Variants in CDH12 observed in about 807,000 individuals in gnomAD.
CDH12 encodes the protein cadherin 12.
Under a neutral mutation model 74.1 loss-of-function variants are expected in CDH12, and 41 were observed. The ratio of observed to expected loss-of-function variants is 0.55; its 90% CI spans 0.43 to 0.72. The LOEUF is 0.72. CDH12 is among the 30% of genes least tolerant of loss of function. The probability of loss-of-function intolerance (pLI) is 0.00; values close to 1 mark genes in which losing one functional copy is unlikely to be tolerated. For missense variants in CDH12, 945 were observed against 977.2 expected (o/e 0.97, Z 0.44); for synonymous variants, 399 against 355.0 (o/e 1.12, Z -1.39).
At chr5:22,021,493 C>T (rs1306454575) in intron 5 of CDH12, among the ~76,000 whole-genome samples, 4 of 152,134 alleles carry the variant, frequency 2.6e-5, no homozygotes, top group Admixed American at 6.6e-5. Context: ...TGATATTACA[C>T]GGTACAGATG....
chr5:21,859,347 A>T (rs1215475057), intron 6 of CDH12, among the ~76,000 whole-genome samples: 1 of 152,036 alleles, frequency 6.6e-6, no homozygotes, highest in Middle Eastern at 3.4e-3. Flanking sequence ...AGCAAAGGGG[A>T]AAAAGCCCCT....
chr5:22,597,882 T>C (rs1290710966), intron 1 of CDH12, among the ~76,000 whole-genome samples: 6 of 152,174 alleles, frequency 3.9e-5, no homozygotes, highest in Admixed American at 1.3e-4. Flanking sequence ...AAATTATATA[T>C]GTCTTCCATT....
rs187937589 is a variant in CDH12 at position 22,589,292 on chromosome 5, C to G, written c.-522-83928G>C. ...AAGACACGAGGAACAAAACTGGACC[C>G]AACTGTAAGCCTGGAGTGTCATCAG... On this transcript the variant is annotated intron_variant, in intron 1 of 14. Transcript: ENST00000382254. Among the ~76,000 whole-genome samples, 44 of 152,210 alleles carry G rather than the reference C, an allele frequency of 2.9e-4. No individual in the cohort carries two copies. The East Asian group carries it at 2.9e-3, about 10-fold the overall frequency.
intron 1 of CDH12, among the ~76,000 whole-genome samples, chr5:22,680,799 G>T (rs1741449924): frequency 6.7e-6 from 1 of 148,826 alleles, no homozygotes; most frequent in Non-Finnish European, 1.5e-5. Flanking sequence ...TTGATTTCTG[G>T]AATGGAGCAT....
chr5:21,828,871 T>C (rs1748834220), intron 8 of CDH12, among the ~76,000 whole-genome samples: 1 of 152,054 alleles, frequency 6.6e-6, no homozygotes, highest in South Asian at 2.1e-4. Flanking sequence ...TTTATTTGTT[T>C]CACATTTGTA....
chr5:22,176,418 T>C (rs949884829), intron 4 of CDH12, among the ~76,000 whole-genome samples: 4 of 151,996 alleles, frequency 2.6e-5, no homozygotes, highest in African/African-American at 7.2e-5. Flanking sequence ...GTTCAGATGA[T>C]CACGTTTGTT....
At chr5:22,612,298 G>T (rs268966) in intron 1 of CDH12, among the ~76,000 whole-genome samples, 84,460 of 151,836 alleles carry the variant, frequency 0.56, 23,824 homozygotes, top group East Asian at 0.68. Context: ...ACTTGTCTTA[G>T]GTAGTGTAAA....
At chr5:22,095,640 T>G (rs1218416212) in intron 4 of CDH12, among the ~76,000 whole-genome samples, 3 of 151,752 alleles carry the variant, frequency 2.0e-5, no homozygotes, top group African/African-American at 7.3e-5. Flanking sequence ...TGGCAAGTAC[T>G]GCTTTTCTAG....
chr5:22,458,892 G>A (rs1745395837), intron 2 of CDH12, among the ~76,000 whole-genome samples: 1 of 151,868 alleles, frequency 6.6e-6, no homozygotes, highest in Admixed American at 6.6e-5. Context: ...ACTGGTTTGG[G>A]GTTTTGTTTT....
chr5:22,836,415 G>C (rs892189090), intron 1 of CDH12, among the ~76,000 whole-genome samples: 1 of 151,192 alleles, frequency 6.6e-6, no homozygotes, highest in African/African-American at 2.4e-5. Flanking sequence ...ATTTTTTGTA[G>C]AGACAGGGTT....
chr5:22,456,345 C>A (rs1745274311), intron 2 of CDH12, among the ~76,000 whole-genome samples: 1 of 151,824 alleles, frequency 6.6e-6, no homozygotes, highest in South Asian at 2.1e-4. Flanking sequence ...AATCAGCTCT[C>A]ATGTGTCAGT....
intron 3 of CDH12, among the ~76,000 whole-genome samples, chr5:22,233,333 A>G (rs548260890): frequency 3.9e-5 from 6 of 152,124 alleles, no homozygotes; most frequent in Admixed American, 6.6e-5. Context: ...AATTTCTACT[A>G]TAAGTAGTAT....
chr5:21,823,081 A>C (rs1748461417), intron 8 of CDH12, among the ~76,000 whole-genome samples: 1 of 152,122 alleles, frequency 6.6e-6, no homozygotes, highest in African/African-American at 2.4e-5. Context: ...TGGAATGACA[A>C]GGAAAAACAC....
intron 3 of CDH12, among the ~76,000 whole-genome samples, chr5:22,302,046 G>A (rs551611597): frequency 1.3e-5 from 2 of 151,650 alleles, no homozygotes; most frequent in East Asian, 3.9e-4. Context: ...GTGAGAGAGA[G>A]TCTCAAAAAT....
chr5:21,811,593 T>C (rs1747747272), intron 9 of CDH12, among the ~76,000 whole-genome samples: 2 of 152,178 alleles, frequency 1.3e-5, no homozygotes, highest in South Asian at 4.1e-4. Flanking sequence ...ACTCTTATTC[T>C]GTCATTGTAA....
At chr5:22,746,156 A>G (rs2127026309) in intron 1 of CDH12, among the ~76,000 whole-genome samples, 1 of 152,268 alleles carries the variant, frequency 6.6e-6, no homozygotes, top group South Asian at 2.1e-4. Flanking sequence ...CAAGAAGACA[A>G]TTGGTATATA....
At chr5:22,184,485 C>T (rs1219846290) in intron 4 of CDH12, among the ~76,000 whole-genome samples, 2 of 152,132 alleles carry the variant, frequency 1.3e-5, no homozygotes, top group Non-Finnish European at 1.5e-5. Flanking sequence ...ACAACTATAG[C>T]GAGATCTGTC....
chr5:22,739,344 A>T (rs1029387258), intron 1 of CDH12, among the ~76,000 whole-genome samples: 3 of 151,140 alleles, frequency 2.0e-5, no homozygotes, highest in African/African-American at 7.3e-5. Context: ...TAAAGAAAAA[A>T]CTCTGACACT....
chr5:21,895,230 C>G (rs1210611361), intron 6 of CDH12, among the ~76,000 whole-genome samples: 1 of 152,118 alleles, frequency 6.6e-6, no homozygotes, highest in Admixed American at 6.5e-5. Context: ...GTATCTCCCC[C>G]TCACACTCCT....
Sources: gnomAD v4.1 joint callset for allele counts (sites outside exome capture counted in the v4.1 genomes callset) on GRCh38, gnomAD v4.1.1 for gene constraint, MANE v1.5 for transcripts, NCBI Gene and HGNC (gene_info 2026-07-23, HGNC 2026-07-21) for gene names.